The following TAF1 variants were observed in gnomAD, a reference collection of about 807,000 sequenced individuals.
TAF1 encodes the protein transcription initiation factor TFIID subunit 1.
Under a neutral mutation model 138.5 loss-of-function variants are expected in TAF1, and 2 were observed. The ratio of observed to expected loss-of-function variants is 0.01; its 90% CI spans 0.01 to 0.05. The LOEUF is 0.05. Among genes scored for constraint, TAF1 ranks in the 10% least tolerant of loss-of-function variants. The pLI is 1.00. For synonymous variants in TAF1, 437 were observed against 503.2 expected (o/e 0.87, Z 1.76); for missense variants, 709 against 1,478.0 (o/e 0.48, Z 8.53).
At chrX:71,419,168 G>A (rs1288416883) in intron 28 of TAF1, among the ~76,000 whole-genome samples, 1 of 111,548 alleles carries the variant, frequency 9.0e-6, no homozygotes, top group Non-Finnish European at 1.9e-5. Context: ...AATTTTATAT[G>A]TTAAGTGTGG....
intron 13 of TAF1, among the ~76,000 whole-genome samples, chrX:71,511,644 C>T (rs1210774137): frequency 8.9e-6 from 1 of 112,266 alleles, no homozygotes; most frequent in Non-Finnish European, 1.9e-5. Flanking sequence ...CAGTTCTCAT[C>T]GTATCACCTG....
chrX:71,462,590 T>C (rs1235876036), intron 37 of TAF1, among the ~76,000 whole-genome samples: 1 of 108,460 alleles, frequency 9.2e-6, no homozygotes, highest in Non-Finnish European at 1.9e-5. Context: ...ATAAAAATAA[T>C]AACAACAATA....
chrX:71,461,645 A>T (rs2038554544), intron 37 of TAF1, among the ~76,000 whole-genome samples: 1 of 112,011 alleles, frequency 8.9e-6, no homozygotes, highest in African/African-American at 3.2e-5. Flanking sequence ...TATCTATGAT[A>T]CATCTAACCA....
At chrX:71,509,004 C>T (rs918160481) in intron 13 of TAF1, among the ~76,000 whole-genome samples, 1 of 106,920 alleles carries the variant, frequency 9.4e-6, no homozygotes. Flanking sequence ...GGTGGGGTCT[C>T]GCCATGTCAC....
chrX:71,499,828 A>G (rs1264766882), intron 13 of TAF1, among the ~76,000 whole-genome samples: 2 of 111,700 alleles, frequency 1.8e-5, no homozygotes, highest in African/African-American at 6.5e-5. Context: ...ATTAAAGGCC[A>G]GGGTTTGATC....
chrX:71,463,870 A>C lies in TAF1; in HGVS notation c.5446A>C (p.Thr1816Pro). The C allele has an allele frequency of 1.7e-6, 2 of 1,211,360 alleles. No homozygotes were observed. The highest frequency in any genetic ancestry group is 2.2e-6 in the Non-Finnish European group (2 of 895,406). ...EPDPKSNTQD[T>P]SFSSIGGYEV... is the part of the protein sequence containing the mutation. ...TGATCCCAAGTCGAACACCCAAGACACAAGCTTCAGCAGCATCGGTGGGTA... is the reference window on the plus strand; with the variant it reads ...TGATCCCAAGTCGAACACCCAAGACCCAAGCTTCAGCAGCATCGGTGGGTA... The change falls in exon 38 of 38, where the codon ACA becomes CCA. Residue 1816 changes from threonine (T) to proline (P), a missense_variant. Thr to Pro is a conservative substitution (Grantham distance 38). Around this residue, in one of 14 missense-constraint regions of TAF1, gnomAD observed 123 missense variants for 174.7 expected, o/e 0.70. Coordinates refer to ENST00000423759, the MANE Select transcript of TAF1 (RefSeq NM_004606.5).
At chrX:71,431,680 G>A (rs953796755) in intron 32 of TAF1, among the ~76,000 whole-genome samples, 1 of 110,645 alleles carries the variant, frequency 9.0e-6, no homozygotes, top group Non-Finnish European at 1.9e-5. Context: ...ACTTTGGGAG[G>A]CCGAGGCTGG....
chrX:71,393,016 T>G, intron 20 of TAF1, 22 bp downstream of exon 20: 1 of 1,209,951 alleles, frequency 8.3e-7, no homozygotes, highest in Non-Finnish European at 1.1e-6. Context: ...AGTGGAAAAT[T>G]TAGAGTATAC....
intron 25 of TAF1, among the ~76,000 whole-genome samples, chrX:71,405,882 GAA>G (rs1470407287): frequency 2.7e-5 from 3 of 110,788 alleles, no homozygotes; most frequent in African/African-American, 9.8e-5. Flanking sequence ...AAATGAAGAA[GAA>G]AAAATGTGAT....
At chrX:71,493,626 A>G (rs956701303) in intron 13 of TAF1, among the ~76,000 whole-genome samples, 1 of 112,540 alleles carries the variant, frequency 8.9e-6, no homozygotes, top group Non-Finnish European at 1.9e-5. Context: ...AACCCTGTGT[A>G]AGGCACTAGA....
chrX:71,445,133 A>G (rs930490671), intron 32 of TAF1, among the ~76,000 whole-genome samples: 1 of 109,097 alleles, frequency 9.2e-6, no homozygotes, highest in Non-Finnish European at 1.9e-5. Flanking sequence ...CGTCTCTACT[A>G]AAAATACAAA....
At chrX:71,417,874 TA>T (rs962201898) in intron 28 of TAF1, among the ~76,000 whole-genome samples, 3 of 111,487 alleles carry the variant, frequency 2.7e-5, no homozygotes, top group South Asian at 3.7e-4. Context: ...ACTCTATTTT[TA>T]AAAAAAATTA....
At chrX:71,508,325 C>T (rs1357310759) in intron 13 of TAF1, among the ~76,000 whole-genome samples, 3 of 109,747 alleles carry the variant, frequency 2.7e-5, no homozygotes, top group African/African-American at 6.6e-5. Flanking sequence ...TGCGGTGGCT[C>T]ATGCCTGTAA....
intron 13 of TAF1, among the ~76,000 whole-genome samples, chrX:71,501,804 A>T (rs2039514453): frequency 9.0e-6 from 1 of 111,367 alleles, no homozygotes; most frequent in African/African-American, 3.3e-5. Flanking sequence ...TTAACTGGCC[A>T]ACAGGTGCCT....
chrX:71,445,984 C>G (rs1371456833), intron 32 of TAF1, among the ~76,000 whole-genome samples: 1 of 106,884 alleles, frequency 9.4e-6, no homozygotes, highest in African/African-American at 3.4e-5. Flanking sequence ...GATCTCGGCT[C>G]ACTGTAACCT....
chrX:71,523,897 T>G (rs780801110), intron 13 of TAF1, among the ~76,000 whole-genome samples: 5 of 111,782 alleles, frequency 4.5e-5, no homozygotes, highest in South Asian at 3.7e-4. Context: ...CTAATATAGA[T>G]GCACAGGAAC....
chrX:71,379,643 C>T (rs955313984), intron 8 of TAF1, among the ~76,000 whole-genome samples: 2 of 98,396 alleles, frequency 2.0e-5, no homozygotes, highest in African/African-American at 7.7e-5. Context: ...TGCTCTGTTG[C>T]CTGGGCCGGA....
At chrX:71,420,350 A>G in intron 28 of TAF1, 3 of 1,199,308 alleles carry the variant, frequency 2.5e-6, no homozygotes, top group Middle Eastern at 2.7e-4. Flanking sequence ...AGAACTCTAT[A>G]TATGCAAACC....
intron 32 of TAF1, among the ~76,000 whole-genome samples, chrX:71,432,826 A>G (rs1288517923): frequency 8.9e-6 from 1 of 111,989 alleles, no homozygotes; most frequent in Non-Finnish European, 1.9e-5. Flanking sequence ...TATCTTAAAA[A>G]TGTGTGCAAA....
Sources: allele counts gnomAD v4.1 joint callset (sites outside exome capture counted in the v4.1 genomes callset), GRCh38; gene constraint gnomAD v4.1.1; regional missense constraint gnomAD v4.1.1; transcripts MANE v1.5; gene names NCBI Gene and HGNC (gene_info 2026-07-23, HGNC 2026-07-21).